The following G3BP2 variants were observed in gnomAD, a reference collection of about 807,000 sequenced individuals.
G3BP2 encodes ras GTPase-activating protein-binding protein 2.
A neutral mutation model predicts 56.7 loss-of-function variants in G3BP2; 11 were observed. The ratio of observed to expected loss-of-function variants is 0.19; its 90% confidence interval spans 0.12 to 0.32. G3BP2 has a LOEUF of 0.32. Among genes scored for constraint, G3BP2 ranks in the 10% least tolerant of loss-of-function variants. G3BP2 has a pLI of 1.00. For synonymous variants in G3BP2, 165 were observed against 191.6 expected (o/e 0.86, Z 1.15); for missense variants, 340 against 610.9 (o/e 0.56, Z 4.67).
chr4:75,674,651 T>A, upstream of G3BP2, among the ~76,000 whole-genome samples: 1 of 148,392 alleles, frequency 6.7e-6, no homozygotes, highest in East Asian at 2.0e-4. Flanking sequence ...TACAGCCTTC[T>A]GAGCCTCACA....
At chr4:75,699,257 ATCAG>A (rs1719238602) in intron 3 of G3BP2, among the ~76,000 whole-genome samples, 2 of 152,200 alleles carry the variant, frequency 1.3e-5, no homozygotes, top group Admixed American at 1.3e-4. Flanking sequence ...CTCTCTAGCA[ATCAG>A]TCAGTTTCTC....
At chr4:75,703,587 C>T (rs1231841174) in intron 3 of G3BP2, among the ~76,000 whole-genome samples, 4 of 152,246 alleles carry the variant, frequency 2.6e-5, no homozygotes, top group South Asian at 4.1e-4. Context: ...GGGTTTTTAG[C>T]CTCTTGAGGA....
chr4:75,721,713 CA>C (rs1390457829), intron 2 of G3BP2, among the ~76,000 whole-genome samples: 2 of 152,160 alleles, frequency 1.3e-5, no homozygotes, highest in Non-Finnish European at 2.9e-5. Context: ...AACTAAAAAA[CA>C]ATCTTATGCA....
intron 3 of G3BP2, among the ~76,000 whole-genome samples, chr4:75,691,980 T>C (rs546898412): frequency 3.9e-4 from 60 of 152,352 alleles, no homozygotes; most frequent in Non-Finnish European, 7.9e-4. Flanking sequence ...TGCCATTTAT[T>C]AGTTCTGTGA....
chr4:75,682,227 C>T (rs544792878), intron 3 of G3BP2, among the ~76,000 whole-genome samples: 12 of 152,066 alleles, frequency 7.9e-5, no homozygotes, highest in South Asian at 2.1e-4. Flanking sequence ...CTATCCTAGC[C>T]AACATGGTGA....
chr4:75,723,546 T>G (rs1164479762), intron 1 of G3BP2, among the ~76,000 whole-genome samples: 1 of 152,200 alleles, frequency 6.6e-6, no homozygotes, highest in African/African-American at 2.4e-5. Context: ...GACTATTGAT[T>G]GGACATGTGT....
intron 3 of G3BP2, among the ~76,000 whole-genome samples, chr4:75,658,039 T>C (rs551713366): frequency 1.3e-5 from 2 of 152,358 alleles, no homozygotes; most frequent in African/African-American, 4.8e-5. Flanking sequence ...TTTTACTGTG[T>C]GTTTGCTGAT....
chr4:75,653,060 A>G (rs544780129), intron 8 of G3BP2, among the ~76,000 whole-genome samples: 10 of 151,966 alleles, frequency 6.6e-5, no homozygotes, highest in Non-Finnish European at 1.3e-4. Flanking sequence ...CTGGGTGACC[A>G]TCTTACATAA....
intron 3 of G3BP2, among the ~76,000 whole-genome samples, chr4:75,690,793 G>C (rs1441358195): frequency 1.3e-5 from 2 of 151,946 alleles, no homozygotes; most frequent in Admixed American, 1.3e-4. Context: ...CAATCTCCTG[G>C]GCTCAAGCAA....
At chr4:75,654,137 T>C (rs764097755) in intron 7 of G3BP2, 56 bp from the exon 8 acceptor site, 42 of 807,248 alleles carry the variant, frequency 5.2e-5, no homozygotes, top group Admixed American at 1.3e-4. Context: ...CCAACATTCC[T>C]ATAGGGAAAC....
chr4:75,716,074 G>A (rs1719916318), intron 3 of G3BP2, among the ~76,000 whole-genome samples: 1 of 152,124 alleles, frequency 6.6e-6, no homozygotes. Flanking sequence ...GGTCACTTTG[G>A]GTCACAGACT....
chr4:75,666,500 A>C (rs528759714), intron 1 of G3BP2, among the ~76,000 whole-genome samples: 3 of 152,332 alleles, frequency 2.0e-5, no homozygotes, highest in African/African-American at 7.2e-5. Context: ...CTTTAACCAT[A>C]ACTCCGATTT....
At chr4:75,647,573 ACAG>A (rs1382410533) in intron 9 of G3BP2, among the ~76,000 whole-genome samples, 1 of 152,230 alleles carries the variant, frequency 6.6e-6, no homozygotes, top group African/African-American at 2.4e-5. Context: ...GTAAATTTTA[ACAG>A]CAATCATCAC....
chr4:75,661,478 G>GTT (rs58695567), intron 2 of G3BP2: 31,286 of 139,470 alleles, frequency 0.22, 3,662 homozygotes, highest in Middle Eastern at 0.38. Flanking sequence ...CCCAAAGTTT[G>GTT]TTTTTTTTTT....
chr4:75,658,734 A>C, intron 3 of G3BP2, 109 bp downstream of exon 3: 1 of 777,118 alleles, frequency 1.3e-6, no homozygotes, highest in Non-Finnish European at 2.2e-6. Context: ...TCTCAAAAAA[A>C]AAAGAGAAAG....
At chr4:75,649,948 T>A (rs1429666782) in intron 8 of G3BP2, among the ~76,000 whole-genome samples, 1 of 151,446 alleles carries the variant, frequency 6.6e-6, no homozygotes, top group Non-Finnish European at 1.5e-5. Context: ...AAGACGGAGG[T>A]TGCAGTGAGC....
At chr4:75,694,856 C>T (rs1577882039) in intron 3 of G3BP2, 1 of 985,474 alleles carries the variant, frequency 1.0e-6, no homozygotes, top group Non-Finnish European at 1.2e-6. Context: ...AAGACTGCGA[C>T]ATCACATCCA....
intron 1 of G3BP2, among the ~76,000 whole-genome samples, chr4:75,667,757 G>T (rs954051550): frequency 1.3e-5 from 2 of 152,112 alleles, no homozygotes; most frequent in African/African-American, 4.8e-5. Flanking sequence ...AGGCCTGGTG[G>T]TACGCGCCTA....
At chr4:75,713,978 C>T (rs1719844072) in intron 3 of G3BP2, among the ~76,000 whole-genome samples, 2 of 152,156 alleles carry the variant, frequency 1.3e-5, no homozygotes. Context: ...CTCTCCAAAA[C>T]ATCAAGATTA....
Sources: gnomAD v4.1 joint callset for allele counts (sites outside exome capture counted in the v4.1 genomes callset) on GRCh38, gnomAD v4.1.1 for gene constraint, MANE v1.5 for transcripts, NCBI Gene and HGNC (gene_info 2026-07-23, HGNC 2026-07-21) for gene names.